Variants in PHTF1 observed in about 807,000 individuals in gnomAD.
The protein encoded by PHTF1 is putative homeodomain transcription factor 1.
In PHTF1, 88 loss-of-function variants were observed where a neutral mutation model predicts 102.4. The ratio of observed to expected loss-of-function variants is 0.86; its 90% CI spans 0.72 to 1.03. The LOEUF (loss-of-function observed/expected upper bound fraction) is 1.03, where lower values mean the gene tolerates loss of function less well. Among genes scored for constraint, PHTF1 ranks in the 50% least tolerant of loss-of-function variants. The probability of loss-of-function intolerance (pLI) is 0.00; values close to 1 mark genes in which losing one functional copy is unlikely to be tolerated. For synonymous variants in PHTF1, 289 were observed against 305.2 expected (o/e 0.95, Z 0.55); for missense variants, 814 against 909.5 (o/e 0.89, Z 1.35).
At chr1:113,718,210 A>G (rs1410022679) in intron 7 of PHTF1, among the ~76,000 whole-genome samples, 1 of 152,218 alleles carries the variant, frequency 6.6e-6, no homozygotes, top group African/African-American at 2.4e-5. Context: ...TCTGAAATCC[A>G]GTGGGGGAGT....
chr1:113,753,421 T>G (rs1658371764), intron 3 of PHTF1, among the ~76,000 whole-genome samples: 1 of 93,816 alleles, frequency 1.1e-5, no homozygotes, highest in African/African-American at 4.9e-5. Flanking sequence ...CTTAATTAGG[T>G]TCTTCTTTTT....
chr1:113,755,903 A>G (rs1658794197), intron 3 of PHTF1, among the ~76,000 whole-genome samples: 1 of 151,720 alleles, frequency 6.6e-6, no homozygotes, highest in South Asian at 2.1e-4. Flanking sequence ...TACTAAAAAA[A>G]AAAAGTACAA....
rs1399914920 is a variant in PHTF1 at position 113,705,987 on chromosome 1, G to C, written c.1574C>G (p.Pro525Arg). 1 of 1,613,840 alleles carries C rather than the reference G, an allele frequency of 6.2e-7. No homozygotes were observed. Among genetic ancestry groups the C allele is most frequent in the Admixed American group, 1.7e-5 (1 of 60,026 alleles). Residue 525 changes from proline to arginine, a missense_variant, in exon 13 of 19, where the codon CCT becomes CGT. By Grantham distance (103) the Pro-to-Arg change is moderately radical. Coordinates refer to ENST00000369604, the MANE Select transcript of PHTF1 (RefSeq NM_001323043.2). ...TLFCGAPPVT[P>R]IIVLSIINFF... ...ATTAATTATCGACAAAACAATAATA[G>C]GTGTAACAGGTGGTGCCCCACAAAA...
At chr1:113,755,171 TTTG>T (rs1658666273) in intron 3 of PHTF1, among the ~76,000 whole-genome samples, 1 of 152,090 alleles carries the variant, frequency 6.6e-6, no homozygotes, top group Non-Finnish European at 1.5e-5. Flanking sequence ...TTTTTGCTTA[TTTG>T]TTCTTTTATT....
chr1:113,743,200 A>G (rs561343645), intron 3 of PHTF1, among the ~76,000 whole-genome samples: 47 of 152,164 alleles, frequency 3.1e-4, no homozygotes, highest in South Asian at 1.2e-3. Context: ...CTCTTTTGTA[A>G]TAACAGTTTA....
chr1:113,706,677 C>CTAAT lies in PHTF1; in HGVS notation c.1314_1315insATTA (p.Val439IlefsTer3). 6.2e-7 allele frequency: 1 copy of CTAAT among 1,608,606 alleles called. No individual in the cohort carries two copies. Among genetic ancestry groups the CTAAT allele is most frequent in the South Asian group, 1.1e-5 (1 of 90,514 alleles). ...TTCCCCTCCCAGATTATTGCACTAA[C>CTAAT]TCGATCAGAGGAAGGACTTGAATTC... On this transcript the variant is annotated frameshift_variant, in exon 12 of 19. Transcript: ENST00000369604. LOFTEE classifies it high-confidence loss of function.
chr1:113,755,160 T>G (rs993445260), intron 3 of PHTF1, among the ~76,000 whole-genome samples: 1 of 152,042 alleles, frequency 6.6e-6, no homozygotes, highest in Non-Finnish European at 1.5e-5. Context: ...TTTTAAAATT[T>G]TTTTTGCTTA....
rs1047295510 is a variant in PHTF1 at position 113,736,235 on chromosome 1, G to A, written c.331+1875C>T. 5.3e-5 allele frequency among the ~76,000 whole-genome samples: 8 copies of A among 151,604 alleles called. No homozygotes were observed. The East Asian group carries it at 5.9e-4, about 11-fold the overall frequency. On this transcript the variant is annotated intron_variant, in intron 5 of 18. Coordinates refer to ENST00000369604, the MANE Select transcript of PHTF1 (RefSeq NM_001323043.2). ...CGGGTGCCTGTAGTCCCAGCTACTC[G>A]GGAGGCTGAGGCAAGGGAATGGCGT...
intron 3 of PHTF1, among the ~76,000 whole-genome samples, chr1:113,743,816 C>T (rs573394216): frequency 1.3e-5 from 2 of 152,312 alleles, no homozygotes; most frequent in African/African-American, 4.8e-5. Context: ...CTTAAGTTAA[C>T]TTGACTCATT....
chr1:113,725,720 T>C (rs1653715978), intron 6 of PHTF1: 1 of 152,268 alleles, frequency 6.6e-6, no homozygotes, highest in South Asian at 2.1e-4. Context: ...TCCCAGTCCT[T>C]TGGGAGACCG....
In PHTF1 at chr1:113,752,385, A is replaced by ATTTTTTTTT. The variant is rs774522219; in HGVS notation, c.102+5305_102+5313dup. Among the ~76,000 whole-genome samples the ATTTTTTTTT allele has an allele frequency of 6.3e-5, 3 of 47,888 alleles. 1 individual carries two copies. The highest frequency in any genetic ancestry group is 5.7e-4 in the Admixed American group (2 of 3,500). 31.4% of individuals were successfully genotyped at this position (47,888 alleles called of 152,430 possible). The stretch of plus-strand genomic sequence containing the variant: ...CTTGCCACATTCATTTGTTACTGTA[A>ATTTTTTTTT]TTTTTTTTTTTTTTTTTTTTTTTTT... On this transcript the variant is annotated intron_variant, in intron 3 of 18. Transcript: ENST00000369604.
intron 7 of PHTF1, among the ~76,000 whole-genome samples, chr1:113,720,121 G>C (rs1652681316): frequency 6.6e-6 from 1 of 152,066 alleles, no homozygotes; most frequent in Non-Finnish European, 1.5e-5. Flanking sequence ...GTTGATATTT[G>C]GGTGGGGACA....
At chr1:113,734,989 T>A (rs1332389906) in intron 5 of PHTF1, among the ~76,000 whole-genome samples, 1 of 152,150 alleles carries the variant, frequency 6.6e-6, no homozygotes, top group African/African-American at 2.4e-5. Flanking sequence ...ACACCCAGTC[T>A]ATGGTATTTT....
chr1:113,712,072 C>G lies in PHTF1; in HGVS notation c.825G>C (p.Leu275=), dbSNP rs754482933. 1 of 1,614,072 alleles carries G rather than the reference C, an allele frequency of 6.2e-7. No homozygotes were observed. Among genetic ancestry groups the G allele is most frequent in the East Asian group, 2.2e-5 (1 of 44,872 alleles). ...GTGCTTCACCATCTTCTTCACTTGA[C>G]AGGTCATCAGACACCCCATTACCCA... ...RRLGNGVSDD[L]SSEEDGEART... is the part of the protein sequence containing the mutation. Residue 275 remains leucine, a synonymous_variant, in exon 9 of 19, where the codon CTG becomes CTC. Coordinates refer to ENST00000369604, the MANE Select transcript of PHTF1 (RefSeq NM_001323043.2).
rs781222881 is a variant in PHTF1, at chr1:113,705,900, G to A, written c.1661C>T (p.Thr554Ile). The A allele has an allele frequency of 2.5e-6, 4 of 1,613,376 alleles. No individual in the cohort carries two copies. The highest frequency in any genetic ancestry group is 3.4e-6 in the Non-Finnish European group (4 of 1,179,788). ...TATTTCTCCACTGACCTGTTTATAT[G>A]TTCTCTCTGCCACACACATCATGAA... is the stretch of plus-strand genomic sequence containing the variant. The part of the protein sequence containing the change: ...FFFMMCVAER[T>I]YKQRFLFAKL... The change falls in exon 13 of 19, where the codon ACA (threonine) becomes ATA (isoleucine). Residue 554 changes from threonine (T) to isoleucine (I), a missense_variant. Thr to Ile is a moderately conservative substitution (Grantham distance 89). Transcript: ENST00000369604.
chr1:113,740,738 G>A (rs922835851), intron 3 of PHTF1, among the ~76,000 whole-genome samples: 44 of 152,106 alleles, frequency 2.9e-4, no homozygotes, highest in Admixed American at 6.6e-5. Context: ...TGTATATGGT[G>A]AGAAATAGTG....
intron 5 of PHTF1, among the ~76,000 whole-genome samples, chr1:113,731,750 T>C (rs1654683976): frequency 1.3e-5 from 2 of 150,600 alleles, no homozygotes; most frequent in African/African-American, 4.9e-5. Flanking sequence ...CAAAAAAATT[T>C]GCCAGGCATG....
intron 13 of PHTF1, among the ~76,000 whole-genome samples, chr1:113,705,198 T>C (rs982373020): frequency 3.3e-5 from 5 of 152,214 alleles, no homozygotes; most frequent in Admixed American, 6.5e-5. Context: ...CCCAGCACTT[T>C]GGGAGGAAAG....
At chr1:113,709,609 A>T (rs187082916) in intron 11 of PHTF1, among the ~76,000 whole-genome samples, 2 of 152,364 alleles carry the variant, frequency 1.3e-5, no homozygotes, top group African/African-American at 4.8e-5. Context: ...TCTGATGGAG[A>T]TATAAATAAT....
Sources: allele counts gnomAD v4.1 joint callset (sites outside exome capture counted in the v4.1 genomes callset), GRCh38; gene constraint gnomAD v4.1.1; transcripts MANE v1.5; gene names NCBI Gene and HGNC (gene_info 2026-07-23, HGNC 2026-07-21).